SFRP1: variants seen among roughly 807,000 people sequenced by gnomAD.
The protein encoded by SFRP1 is secreted frizzled related protein 1, also known as secreted frizzled-related protein 1.
A neutral mutation model predicts 25.9 loss-of-function variants in SFRP1; 9 were observed. The ratio of observed to expected loss-of-function variants is 0.35; its 90% CI spans 0.21 to 0.61. SFRP1 has a LOEUF of 0.61. Among genes scored for constraint, SFRP1 ranks in the 20% least tolerant of loss-of-function variants. The pLI is 0.78. For missense variants in SFRP1, 346 were observed against 418.2 expected (o/e 0.83, Z 1.51); for synonymous variants, 178 against 174.0 (o/e 1.02, Z -0.18).
intron 2 of SFRP1, among the ~76,000 whole-genome samples, chr8:41,285,931 G>C: frequency 1.3e-5 from 2 of 151,742 alleles, no homozygotes; most frequent in Non-Finnish European, 2.9e-5. Flanking sequence ...TGGGGTATGG[G>C]TCCCCAGGAA....
intron 2 of SFRP1, among the ~76,000 whole-genome samples, chr8:41,301,955 G>A: frequency 6.6e-6 from 1 of 152,188 alleles, no homozygotes; most frequent in African/African-American, 2.4e-5. Context: ...ACACCTTAAG[G>A]TCAACCTTGC....
chr8:41,306,628 T>C (rs1804001074), intron 1 of SFRP1: 1 of 1,446,182 alleles, frequency 6.9e-7, no homozygotes, highest in South Asian at 1.3e-5. Context: ...CCAAAACCAC[T>C]GAGGGGAAAA....
intron 1 of SFRP1, chr8:41,307,104 G>A: frequency 1.7e-6 from 2 of 1,153,760 alleles, no homozygotes; most frequent in Non-Finnish European, 2.3e-6. Flanking sequence ...TGAGGAAGGG[G>A]AGAAGGAAAT....
At chr8:41,274,033 G>A (rs1307080553) in intron 2 of SFRP1, among the ~76,000 whole-genome samples, 1 of 152,194 alleles carries the variant, frequency 6.6e-6, no homozygotes, top group Non-Finnish European at 1.5e-5. Context: ...TTTCGGCTCT[G>A]GGACTTTGGG....
intron 2 of SFRP1, chr8:41,271,462 T>G (rs968634939): frequency 1.1e-5 from 2 of 183,646 alleles, no homozygotes; most frequent in Non-Finnish European, 2.4e-5. Flanking sequence ...CCTGGAGCCA[T>G]CCAAAAAAAT....
intron 2 of SFRP1, among the ~76,000 whole-genome samples, chr8:41,291,218 A>T (rs4373504): frequency 0.62 from 94,399 of 151,508 alleles, 29,991 homozygotes; most frequent in African/African-American, 0.75. Flanking sequence ...TTTTTTGAGG[A>T]CTTTTTTAAA....
intron 2 of SFRP1, among the ~76,000 whole-genome samples, chr8:41,286,361 C>T (rs781399804): frequency 1.9e-4 from 29 of 152,208 alleles, no homozygotes; most frequent in Non-Finnish European, 3.4e-4. Context: ...ACCTTCCCAC[C>T]GCCTCCCCCG....
rs889587673 is a variant in SFRP1, at chr8:41,309,191, G to A, written c.-32C>T. ...TCTGCGCCCTGTTCTCCGCGACGTCGGGGCTGCCTCCGCCGCCTCCCCGCG... is the reference window on the plus strand; with the variant it reads ...TCTGCGCCCTGTTCTCCGCGACGTCAGGGCTGCCTCCGCCGCCTCCCCGCG... On this transcript the variant is annotated 5_prime_UTR_variant, in exon 1 of 3. Transcript: ENST00000220772. 3 of 1,282,290 alleles carry A rather than the reference G, an allele frequency of 2.3e-6. No individual in the cohort carries two copies. In the African/African-American group the frequency reaches 4.7e-5, roughly 20 times the overall value. 79.4% of individuals were successfully genotyped at this position (1,282,290 alleles called of 1,614,324 possible).
At position 41,273,652 on chromosome 8, in the gene SFRP1, G is replaced by C. The variant is rs564926558; in HGVS notation, c.623-8163C>G. On this transcript the variant is annotated intron_variant, in intron 2 of 2. Transcript: ENST00000220772. ...AAAATGCAGAATTAAACAAGACACG[G>C]GATTCAGGAAACCAAAGGTCTAACC... Among the ~76,000 whole-genome samples, 273 of 152,152 alleles carry C rather than the reference G, an allele frequency of 1.8e-3. 2 individuals are homozygous for C. The Middle Eastern group carries it at 0.024, about 13-fold the overall frequency.
At chr8:41,306,251 A>C (rs1439420344) in intron 1 of SFRP1, among the ~76,000 whole-genome samples, 1 of 152,216 alleles carries the variant, frequency 6.6e-6, no homozygotes, top group African/African-American at 2.4e-5. Context: ...AATAATCCAA[A>C]ACTGAATTTG....
At chr8:41,289,395 G>A (rs1047011017) in intron 2 of SFRP1, among the ~76,000 whole-genome samples, 1 of 152,206 alleles carries the variant, frequency 6.6e-6, no homozygotes, top group East Asian at 1.9e-4. Flanking sequence ...CAGAATCTGT[G>A]TTATTTTTTT....
intron 1 of SFRP1, among the ~76,000 whole-genome samples, chr8:41,307,721 C>T (rs1328925576): frequency 6.6e-6 from 1 of 152,176 alleles, no homozygotes; most frequent in Non-Finnish European, 1.5e-5. Context: ...TATTTGACTT[C>T]CCAGGATTTT....
intron 2 of SFRP1, among the ~76,000 whole-genome samples, chr8:41,268,526 G>A (rs568559205): frequency 6.6e-6 from 1 of 152,352 alleles, no homozygotes; most frequent in South Asian, 2.1e-4. Context: ...CCAGGGAGGA[G>A]AAATCAGAGT....
intron 2 of SFRP1, among the ~76,000 whole-genome samples, chr8:41,298,702 A>C (rs531017903): frequency 6.5e-4 from 99 of 152,330 alleles, no homozygotes; most frequent in Admixed American, 3.4e-3. Flanking sequence ...GATGTGAGAC[A>C]GCATGCCCAG....
At chr8:41,286,610 A>G (rs1001785299) in intron 2 of SFRP1, among the ~76,000 whole-genome samples, 1 of 152,140 alleles carries the variant, frequency 6.6e-6, no homozygotes, top group Non-Finnish European at 1.5e-5. Flanking sequence ...AGAATGCTCC[A>G]GGCCATCTGG....
intron 2 of SFRP1, among the ~76,000 whole-genome samples, chr8:41,269,258 T>A (rs9298612): frequency 0.48 from 72,769 of 152,028 alleles, 17,864 homozygotes; most frequent in African/African-American, 0.59. Flanking sequence ...AAAAAAATTT[T>A]AAAAATTATG....
At chr8:41,278,798 G>C (rs1425009618) in intron 2 of SFRP1, among the ~76,000 whole-genome samples, 2 of 152,228 alleles carry the variant, frequency 1.3e-5, no homozygotes, top group African/African-American at 2.4e-5. Flanking sequence ...GTGACAGATG[G>C]GGAGCAGAGG....
intron 2 of SFRP1, among the ~76,000 whole-genome samples, chr8:41,299,488 C>T (rs1269532291): frequency 7.6e-6 from 1 of 132,004 alleles, no homozygotes; most frequent in South Asian, 2.5e-4. Context: ...TGAAAAGAGC[C>T]TTCTCCTTTA....
At chr8:41,304,532 C>T (rs1435615597) in intron 1 of SFRP1, among the ~76,000 whole-genome samples, 1 of 152,158 alleles carries the variant, frequency 6.6e-6, no homozygotes, top group Admixed American at 6.5e-5. Context: ...CCAAGCCAGG[C>T]TGGAGCTGAA....
Sources: gnomAD v4.1 joint callset for allele counts (sites outside exome capture counted in the v4.1 genomes callset) on GRCh38, gnomAD v4.1.1 for gene constraint, MANE v1.5 for transcripts, NCBI Gene and HGNC (gene_info 2026-07-23, HGNC 2026-07-21) for gene names.